PPARGC1A: variants seen among roughly 807,000 people sequenced by gnomAD.
The protein encoded by PPARGC1A is PPARG coactivator 1 alpha, also known as peroxisome proliferator-activated receptor gamma coactivator 1-alpha.
In PPARGC1A, 25 loss-of-function variants were observed where a neutral mutation model predicts 88.7. The ratio of observed to expected loss-of-function variants is 0.28; its 90% confidence interval spans 0.21 to 0.39. The LOEUF (loss-of-function observed/expected upper bound fraction) is 0.39. PPARGC1A is among the 10% of genes least tolerant of loss of function. The pLI is 1.00. For synonymous variants in PPARGC1A, 363 were observed against 355.6 expected, an observed-to-expected ratio of 1.02 and a Z score of -0.24; for missense variants, 880 against 968.7, an observed-to-expected ratio of 0.91 and a Z score of 1.22.
At chr4:24,377,141 T>C in the PPARGC1A span, among the ~76,000 whole-genome samples, 1 of 151,758 alleles carries the variant, frequency 6.6e-6, no homozygotes, top group East Asian at 1.9e-4. Context: ...CCTGTAGTAA[T>C]GAAATATTAA....
chr4:24,082,939 G>C, the PPARGC1A span, among the ~76,000 whole-genome samples: 2 of 152,082 alleles, frequency 1.3e-5, no homozygotes, highest in African/African-American at 4.8e-5. Context: ...TGGGTTTTAC[G>C]CAAATTTGTA....
the PPARGC1A span, among the ~76,000 whole-genome samples, chr4:24,103,344 T>A: frequency 6.6e-6 from 1 of 151,976 alleles, no homozygotes; most frequent in East Asian, 1.9e-4. Context: ...AAAGACTCAC[T>A]TCAGGGACTT....
chr4:24,095,272 C>T, the PPARGC1A span, among the ~76,000 whole-genome samples: 4 of 151,848 alleles, frequency 2.6e-5, no homozygotes, highest in Non-Finnish European at 5.9e-5. Flanking sequence ...CACACACTAC[C>T]ATGCCGGCTA....
At chr4:24,435,713 G>A in the PPARGC1A span, among the ~76,000 whole-genome samples, 8 of 152,098 alleles carry the variant, frequency 5.3e-5, no homozygotes, top group African/African-American at 9.7e-5. Flanking sequence ...TTCATTTAAC[G>A]TTTACAACCA....
At chr4:24,200,245 A>G in the PPARGC1A span, among the ~76,000 whole-genome samples, 2 of 152,284 alleles carry the variant, frequency 1.3e-5, no homozygotes, top group Admixed American at 1.3e-4. Flanking sequence ...GTAAGAGTAT[A>G]GGTCAGATAC....
the PPARGC1A span, among the ~76,000 whole-genome samples, chr4:24,276,085 C>G: frequency 9.2e-5 from 14 of 152,290 alleles, no homozygotes; most frequent in African/African-American, 2.9e-4. Context: ...ATCCAGGAAG[C>G]AGAGGGAGGA....
At chr4:24,378,047 C>A in the PPARGC1A span, among the ~76,000 whole-genome samples, 1 of 152,192 alleles carries the variant, frequency 6.6e-6, no homozygotes, top group South Asian at 2.1e-4. Flanking sequence ...CTTTAAAATA[C>A]TAATCTGGGC....
At chr4:23,971,879 C>T in the PPARGC1A span, among the ~76,000 whole-genome samples, 29 of 152,286 alleles carry the variant, frequency 1.9e-4, no homozygotes, top group East Asian at 1.9e-4. Flanking sequence ...ACCCCCAGAC[C>T]ATGTGTTTCA....
chr4:24,304,503 A>G, the PPARGC1A span, among the ~76,000 whole-genome samples: 1 of 152,140 alleles, frequency 6.6e-6, no homozygotes, highest in Non-Finnish European at 1.5e-5. Context: ...GAGACACAGA[A>G]AGGTTAAATT....
chr4:24,232,132 G>A, the PPARGC1A span, among the ~76,000 whole-genome samples: 21 of 151,716 alleles, frequency 1.4e-4, no homozygotes, highest in African/African-American at 5.1e-4. Flanking sequence ...GGCATGTGAC[G>A]TGACTGGATT....
the PPARGC1A span, among the ~76,000 whole-genome samples, chr4:24,035,350 G>A: frequency 2.0e-5 from 3 of 151,916 alleles, no homozygotes; most frequent in African/African-American, 7.3e-5. Context: ...GACCAGATGG[G>A]CCAACATGGT....
the PPARGC1A span, among the ~76,000 whole-genome samples, chr4:24,326,897 A>G: frequency 1.3e-5 from 2 of 152,142 alleles, no homozygotes; most frequent in Admixed American, 6.5e-5. Flanking sequence ...CTTTCCTACA[A>G]GGTCTGAGAA....
At chr4:24,205,334 T>C in the PPARGC1A span, among the ~76,000 whole-genome samples, 1 of 152,092 alleles carries the variant, frequency 6.6e-6, no homozygotes, top group Non-Finnish European at 1.5e-5. Context: ...AAGAGCTCAA[T>C]ATATACTTTT....
the PPARGC1A span, among the ~76,000 whole-genome samples, chr4:24,303,514 A>T: frequency 6.6e-6 from 1 of 152,316 alleles, no homozygotes; most frequent in East Asian, 1.9e-4. Context: ...ACAAATCAAA[A>T]TTGTGTTATG....
chr4:24,066,337 A>C, the PPARGC1A span, among the ~76,000 whole-genome samples: 1 of 152,164 alleles, frequency 6.6e-6, no homozygotes, highest in African/African-American at 2.4e-5. Flanking sequence ...TTTGAGAAAA[A>C]CAACAATGAC....
At chr4:24,357,399 T>A in the PPARGC1A span, among the ~76,000 whole-genome samples, 6 of 152,212 alleles carry the variant, frequency 3.9e-5, no homozygotes, top group Non-Finnish European at 8.8e-5. Flanking sequence ...CTCTTTGTCA[T>A]CCGTTATCTG....
the PPARGC1A span, among the ~76,000 whole-genome samples, chr4:23,980,870 G>A: frequency 2.0e-5 from 3 of 152,242 alleles, no homozygotes; most frequent in South Asian, 6.2e-4. Flanking sequence ...AGAATCAAAG[G>A]AGTCTGGGAA....
the PPARGC1A span, among the ~76,000 whole-genome samples, chr4:24,116,470 T>C: frequency 6.6e-6 from 1 of 152,222 alleles, no homozygotes; most frequent in Admixed American, 6.5e-5. Context: ...AATAACAAGA[T>C]TTCTAAAAGC....
intron 10 of PPARGC1A, among the ~76,000 whole-genome samples, chr4:23,802,676 CAA>C (rs397823520): frequency 0.02 from 519 of 26,028 alleles, no homozygotes; most frequent in African/African-American, 0.058. Flanking sequence ...GACTCCATCT[CAA>C]AAAAAAAAAA....
Sources: gnomAD v4.1 joint callset for allele counts (sites outside exome capture counted in the v4.1 genomes callset) on GRCh38, gnomAD v4.1.1 for gene constraint, MANE v1.5 for transcripts, NCBI Gene and HGNC (gene_info 2026-07-23, HGNC 2026-07-21) for gene names.